Variants in PLXDC2 observed in about 807,000 individuals in gnomAD.
PLXDC2 encodes plexin domain containing 2, also known as plexin domain-containing protein 2.
In PLXDC2, 40 loss-of-function variants were observed where a neutral mutation model predicts 68.9. The ratio of observed to expected loss-of-function variants is 0.58; its 90% CI spans 0.45 to 0.76. The LOEUF (loss-of-function observed/expected upper bound fraction) is 0.76, where lower values mean the gene tolerates loss of function less well. Ranked by LOEUF, PLXDC2 falls within the 30% of genes least tolerant of loss-of-function variation. PLXDC2 has a pLI of 0.00. For missense variants in PLXDC2, 644 were observed against 661.9 expected, an observed-to-expected ratio of 0.97 and a Z score of 0.30; for synonymous variants, 243 against 234.2, an observed-to-expected ratio of 1.04 and a Z score of -0.34.
chr10:19,848,360 T>A (rs915410576), intron 1 of PLXDC2, among the ~76,000 whole-genome samples: 11 of 152,280 alleles, frequency 7.2e-5, no homozygotes, highest in South Asian at 4.1e-4. Context: ...TGTGTGTGTC[T>A]CTTACCTCTA....
At chr10:20,061,411 A>G (rs879395108) in intron 3 of PLXDC2, among the ~76,000 whole-genome samples, 1 of 152,096 alleles carries the variant, frequency 6.6e-6, no homozygotes, top group Non-Finnish European at 1.5e-5. Context: ...GTTTTTGGCA[A>G]TACTACAATG....
chr10:20,163,280 T>C (rs1834330605), intron 6 of PLXDC2, among the ~76,000 whole-genome samples: 1 of 152,212 alleles, frequency 6.6e-6, no homozygotes, highest in Non-Finnish European at 1.5e-5. Flanking sequence ...TGTTTCAAGA[T>C]AATTCCACAA....
intron 1 of PLXDC2, among the ~76,000 whole-genome samples, chr10:19,916,600 T>C (rs1275826276): frequency 1.3e-5 from 2 of 152,166 alleles, no homozygotes; most frequent in African/African-American, 4.8e-5. Context: ...AAAACAATTG[T>C]CACACTTTAG....
intron 1 of PLXDC2, among the ~76,000 whole-genome samples, chr10:19,896,642 T>C (rs1838063104): frequency 6.6e-6 from 1 of 152,212 alleles, no homozygotes; most frequent in Non-Finnish European, 1.5e-5. Flanking sequence ...GCTTCGTGGA[T>C]GGCAGTTCTG....
intron 4 of PLXDC2, among the ~76,000 whole-genome samples, chr10:20,136,287 C>G (rs12571311): frequency 0.23 from 35,630 of 152,136 alleles, 5,060 homozygotes; most frequent in East Asian, 0.49. Context: ...TACCAAATAA[C>G]TTACCACAAC....
Position 19,994,088 on chromosome 10 carries a change from A to G in PLXDC2, c.113-7687A>G, listed in dbSNP as rs564525429. Among the ~76,000 whole-genome samples the G allele has an allele frequency of 9.2e-5, 14 of 152,248 alleles. No homozygotes were observed. In the South Asian group the frequency reaches 2.9e-3, roughly 32 times the overall value. ...ATAGCCATGCCCACATTCTCCAAAA[A>G]GACATGTGTTATACTTCTTACTGAT... On this transcript the variant is annotated intron_variant, in intron 1 of 13. Transcript: ENST00000377252.
chr10:20,086,354 A>T (rs1179875980), intron 4 of PLXDC2, among the ~76,000 whole-genome samples: 2 of 139,368 alleles, frequency 1.4e-5, no homozygotes, highest in Non-Finnish European at 3.0e-5. Context: ...TATTTTATTT[A>T]TTTTTTAATT....
rs371373643 is a variant in PLXDC2, at chr10:20,241,338, T to C, written c.1313-4007T>C. On this transcript the variant is annotated intron_variant, in intron 12 of 13. Transcript: ENST00000377252. Reference sequence around the variant, plus strand: ...TAATTTTATTTCTGACAAGGACTCTTATTAAGTGAAACATGACCCTTGCCC... The same window carrying C: ...TAATTTTATTTCTGACAAGGACTCTCATTAAGTGAAACATGACCCTTGCCC... Among the ~76,000 whole-genome samples the C allele has an allele frequency of 7.9e-5, 12 of 152,200 alleles. No homozygotes were observed. The East Asian group carries it at 1.3e-3, about 17-fold the overall frequency.
chr10:19,944,028 C>T (rs893916651), intron 1 of PLXDC2, among the ~76,000 whole-genome samples: 1 of 152,070 alleles, frequency 6.6e-6, no homozygotes, highest in Non-Finnish European at 1.5e-5. Context: ...TTTCCCGTAG[C>T]GATGATGCAG....
At chr10:20,123,121 C>T (rs939485418) in intron 4 of PLXDC2, among the ~76,000 whole-genome samples, 1 of 151,966 alleles carries the variant, frequency 6.6e-6, no homozygotes, top group African/African-American at 2.4e-5. Context: ...GTAAGCCGGA[C>T]CAGGTGTGAG....
At chr10:19,867,275 G>A (rs1837438163) in intron 1 of PLXDC2, among the ~76,000 whole-genome samples, 2 of 151,984 alleles carry the variant, frequency 1.3e-5, no homozygotes, top group Admixed American at 1.3e-4. Flanking sequence ...CTGTTGGTCA[G>A]CCTGGTTTCA....
At chr10:19,825,659 G>A (rs1836557401) in intron 1 of PLXDC2, among the ~76,000 whole-genome samples, 1 of 152,178 alleles carries the variant, frequency 6.6e-6, no homozygotes, top group African/African-American at 2.4e-5. Context: ...AAGCCTAAAA[G>A]GGAAGTAGGA....
intron 1 of PLXDC2, among the ~76,000 whole-genome samples, chr10:19,912,064 C>G (rs1235006608): frequency 6.6e-6 from 1 of 152,108 alleles, no homozygotes; most frequent in African/African-American, 2.4e-5. Flanking sequence ...CAAACTGATT[C>G]CACATGTTAC....
chr10:20,068,396 G>C lies in PLXDC2; in HGVS notation c.541+157G>C, dbSNP rs1448202472. 2.0e-5 allele frequency among the ~76,000 whole-genome samples: 3 copies of C among 151,976 alleles called. No homozygotes were observed. The South Asian group carries it at 6.2e-4, about 31-fold the overall frequency. On this transcript the variant is annotated intron_variant, in intron 4 of 13. Transcript: ENST00000377252. ...ATAAATAAAACCAAAGAAAGGGTAT[G>C]GTTATTGGAAAAACTTCTCAGCAGA...
At chr10:19,863,361 A>G (rs1837350587) in intron 1 of PLXDC2, among the ~76,000 whole-genome samples, 1 of 152,202 alleles carries the variant, frequency 6.6e-6, no homozygotes, top group Admixed American at 6.6e-5. Context: ...ATGTTCTAGA[A>G]GTGCTTGCAG....
At chr10:20,054,603 AC>A (rs1014290844) in intron 3 of PLXDC2, among the ~76,000 whole-genome samples, 3 of 152,092 alleles carry the variant, frequency 2.0e-5, no homozygotes, top group African/African-American at 7.2e-5. Flanking sequence ...TATCGCAAGG[AC>A]AAAAAACCAA....
At chr10:20,146,288 G>C (rs1834075941) in intron 5 of PLXDC2, among the ~76,000 whole-genome samples, 1 of 147,974 alleles carries the variant, frequency 6.8e-6, no homozygotes, top group African/African-American at 2.5e-5. Flanking sequence ...GAGGTTTCCT[G>C]GCTACTGTCT....
intron 13 of PLXDC2, among the ~76,000 whole-genome samples, chr10:20,253,610 G>A (rs2077316146): frequency 6.6e-6 from 1 of 151,926 alleles, no homozygotes; most frequent in Non-Finnish European, 1.5e-5. Flanking sequence ...GCAAAATCAG[G>A]ATACCAAAGC....
At chr10:20,209,648 T>C (rs1310218004) in intron 9 of PLXDC2, among the ~76,000 whole-genome samples, 2 of 152,178 alleles carry the variant, frequency 1.3e-5, no homozygotes, top group African/African-American at 4.8e-5. Flanking sequence ...AGGTTATCTC[T>C]CTTGTTCCCT....
Sources: allele counts gnomAD v4.1 joint callset (sites outside exome capture counted in the v4.1 genomes callset), GRCh38; gene constraint gnomAD v4.1.1; transcripts MANE v1.5; gene names NCBI Gene and HGNC (gene_info 2026-07-23, HGNC 2026-07-21).